Variants in MYO5C observed in about 807,000 individuals in gnomAD.
MYO5C encodes myosin VC, also known as unconventional myosin-Vc.
A neutral mutation model predicts 235.7 loss-of-function variants in MYO5C; 194 were observed. The ratio of observed to expected loss-of-function variants is 0.82; its 90% confidence interval spans 0.73 to 0.93. The LOEUF is 0.93. MYO5C is among the 40% of genes least tolerant of loss of function. MYO5C has a pLI of 0.00. For synonymous variants in MYO5C, 707 were observed against 754.8 expected (o/e 0.94, Z 1.04); for missense variants, 2,038 against 2,127.2 (o/e 0.96, Z 0.82).
rs1348415335 is a variant in MYO5C at position 52,262,282 on chromosome 15, AT to A, written c.1048-1156del. Among the ~76,000 whole-genome samples, 9 of 152,216 alleles carry A rather than the reference AT, an allele frequency of 5.9e-5. No individual in the cohort carries two copies. In the East Asian group the frequency reaches 1.7e-3, roughly 29 times the overall value. The stretch of plus-strand genomic sequence containing the variant: ...AGGACCAATAATTATAGGACTGGGA[AT>A]TTTCTACAAATATTCTTAGAAGCCT... On this transcript the variant is annotated intron_variant, in intron 9 of 40. Transcript: ENST00000261839.
intron 34 of MYO5C, among the ~76,000 whole-genome samples, chr15:52,212,551 GCTTT>G (rs2035467605): frequency 6.6e-6 from 1 of 152,182 alleles, no homozygotes; most frequent in Admixed American, 6.5e-5. Flanking sequence ...CTACACGTTG[GCTTT>G]CTGTTTTGAG....
At chr15:52,288,372 T>C (rs778681471) in intron 1 of MYO5C, among the ~76,000 whole-genome samples, 7 of 152,178 alleles carry the variant, frequency 4.6e-5, no homozygotes, top group Non-Finnish European at 1.0e-4. Flanking sequence ...AAAAGTGGTA[T>C]TAAATGGCAG....
intron 29 of MYO5C, among the ~76,000 whole-genome samples, chr15:52,221,521 A>G (rs2035687251): frequency 1.3e-5 from 2 of 152,182 alleles, no homozygotes; most frequent in South Asian, 2.1e-4. Context: ...TAGAAATCCT[A>G]TGCTGAGTTG....
At chr15:52,205,766 A>C (rs752732175) in intron 37 of MYO5C, 50 bp downstream of exon 37, 1 of 1,210,766 alleles carries the variant, frequency 8.3e-7, no homozygotes, top group South Asian at 1.8e-5. Flanking sequence ...ATGTTTTAAA[A>C]AGTCTTAATG....
chr15:52,286,351 G>A (rs1320690344), intron 1 of MYO5C, among the ~76,000 whole-genome samples: 1 of 150,124 alleles, frequency 6.7e-6, no homozygotes, highest in South Asian at 2.1e-4. Flanking sequence ...CAGCCGCCCC[G>A]TCCGGGAGGT....
At chr15:52,243,720 A>G (rs566098269) in intron 19 of MYO5C, among the ~76,000 whole-genome samples, 27 of 152,256 alleles carry the variant, frequency 1.8e-4, no homozygotes, top group Non-Finnish European at 2.5e-4. Context: ...TCCAGCAGGT[A>G]CACCAAAGCC....
chr15:52,281,264 T>C (rs1461923991), intron 2 of MYO5C, among the ~76,000 whole-genome samples: 1 of 152,142 alleles, frequency 6.6e-6, no homozygotes, highest in Non-Finnish European at 1.5e-5. Context: ...GAGGTGACAT[T>C]TTCCTACAGC....
intron 38 of MYO5C, among the ~76,000 whole-genome samples, chr15:52,199,044 C>T (rs1302233530): frequency 6.6e-6 from 1 of 151,898 alleles, no homozygotes; most frequent in East Asian, 1.9e-4. Flanking sequence ...CAGCTACTGC[C>T]ACCAAACCTG....
intron 1 of MYO5C, among the ~76,000 whole-genome samples, chr15:52,294,331 AG>A (rs2037453783): frequency 6.6e-6 from 1 of 152,236 alleles, no homozygotes; most frequent in Non-Finnish European, 1.5e-5. Context: ...TGGCTGTCTG[AG>A]GGCTCACAGT....
At chr15:52,239,678 A>C in intron 21 of MYO5C, 55 bp downstream of exon 21, 1 of 1,534,932 alleles carries the variant, frequency 6.5e-7, no homozygotes, top group Non-Finnish European at 8.8e-7. Flanking sequence ...GCTCCAGAAC[A>C]AACTACAGCC....
At chr15:52,247,892 CT>C (rs1313954859) in intron 14 of MYO5C, among the ~76,000 whole-genome samples, 1 of 152,210 alleles carries the variant, frequency 6.6e-6, no homozygotes, top group Non-Finnish European at 1.5e-5. Context: ...CTGGCTCACA[CT>C]GTGTCTCCAC....
intron 39 of MYO5C, 86 bp downstream of exon 39, chr15:52,196,223 C>T: frequency 2.9e-6 from 4 of 1,369,616 alleles, no homozygotes; most frequent in African/African-American, 1.5e-5. Context: ...TCAGGGTGCC[C>T]ACAGCTGGCT....
chr15:52,247,693 G>A (rs929814470), intron 14 of MYO5C, 101 bp from the exon 15 acceptor site: 77 of 1,337,084 alleles, frequency 5.8e-5, no homozygotes, highest in Non-Finnish European at 7.2e-5. Flanking sequence ...CTAAACTAGT[G>A]GGCGGTGAAC....
At chr15:52,254,440 G>A (rs773944666) in intron 11 of MYO5C, among the ~76,000 whole-genome samples, 9 of 152,164 alleles carry the variant, frequency 5.9e-5, no homozygotes, top group Admixed American at 1.3e-4. Context: ...GAGGGTAAGC[G>A]GGCTGAGAGG....
rs535996084 is a variant in MYO5C at position 52,248,681 on chromosome 15, C to T, written c.1746+19G>A. 5.7e-6 allele frequency: 9 copies of T among 1,572,958 alleles called. No homozygotes were observed. In the African/African-American group the frequency reaches 1.1e-4, roughly 19 times the overall value. On this transcript the variant is annotated intron_variant, in intron 14 of 40. Coordinates refer to ENST00000261839, the MANE Select transcript of MYO5C (RefSeq NM_018728.4). ...GTCAATTATATAATAACTTTAGTTA[C>T]CCCTAGGACTTTACAGACCTTGCTT...
rs1218507721 is a variant in MYO5C at position 52,295,678 on chromosome 15, C to A, written c.-42G>T. ...GGCCAGGCCGGGGCTGCCGAACGTG[C>A]GAGGCTCGGGGGCTGGGCCTGCGCC... On this transcript the variant is annotated 5_prime_UTR_variant, in exon 1 of 41. Coordinates refer to ENST00000261839, the MANE Select transcript of MYO5C (RefSeq NM_018728.4). The A allele has an allele frequency of 5.9e-6, 8 of 1,355,074 alleles. No homozygotes were observed. The highest frequency in any genetic ancestry group is 1.7e-5 in the South Asian group (1 of 60,514). 83.9% of individuals were successfully genotyped at this position (1,355,074 alleles called of 1,614,324 possible). A position where few individuals can be genotyped will look rare whatever the true frequency, so the allele number is the denominator to read the frequency against.
chr15:52,240,445 C>T (rs4776025), intron 20 of MYO5C, among the ~76,000 whole-genome samples: 100,128 of 150,656 alleles, frequency 0.66, 37,437 homozygotes, highest in Non-Finnish European at 0.84. Flanking sequence ...GTGGCACGTA[C>T]CTGTAGTCCT....
intron 36 of MYO5C, 61 bp from the exon 37 acceptor site, chr15:52,206,027 C>A: frequency 1.9e-6 from 2 of 1,044,768 alleles, no homozygotes; most frequent in East Asian, 2.7e-5. Flanking sequence ...AATTAATAAT[C>A]AGCTACTATA....
chr15:52,203,438 C>T (rs554161111), intron 38 of MYO5C, among the ~76,000 whole-genome samples: 4 of 152,254 alleles, frequency 2.6e-5, no homozygotes, highest in East Asian at 3.9e-4. Context: ...ACCTCTGCCT[C>T]GGGTTCAAGC....
Sources: allele counts gnomAD v4.1 joint callset (sites outside exome capture counted in the v4.1 genomes callset), GRCh38; gene constraint gnomAD v4.1.1; transcripts MANE v1.5; gene names NCBI Gene and HGNC (gene_info 2026-07-23, HGNC 2026-07-21).